VEGFC: variants seen among roughly 807,000 people sequenced by gnomAD.
VEGFC encodes the protein FLT4 ligand DHM.
VEGFC carries 12 observed loss-of-function variants against 46.1 expected under a neutral mutation model. The observed-to-expected ratio is 0.26, with a 90% confidence interval of 0.17 to 0.42. The LOEUF (loss-of-function observed/expected upper bound fraction) is 0.42, where lower values mean the gene tolerates loss of function less well. Ranked by LOEUF, VEGFC falls within the 10% of genes least tolerant of loss-of-function variation. VEGFC has a pLI of 1.00. For missense variants in VEGFC, 488 were observed against 529.4 expected, an observed-to-expected ratio of 0.92 and a Z score of 0.77; for synonymous variants, 232 against 195.5, an observed-to-expected ratio of 1.19 and a Z score of -1.56.
chr4:176,698,651 C>T (rs1044923246), intron 4 of VEGFC, among the ~76,000 whole-genome samples: 1 of 152,024 alleles, frequency 6.6e-6, no homozygotes, highest in Non-Finnish European at 1.5e-5. Context: ...CTGTACTATA[C>T]GTTAGGTCTC....
chr4:176,704,372 C>T (rs543660210), intron 4 of VEGFC, among the ~76,000 whole-genome samples: 25 of 152,240 alleles, frequency 1.6e-4, no homozygotes, highest in African/African-American at 5.8e-4. Context: ...ATTACAAGCA[C>T]TCAAGCTAAC....
chr4:176,743,408 A>G (rs1235474050), intron 1 of VEGFC, among the ~76,000 whole-genome samples: 2 of 151,994 alleles, frequency 1.3e-5, no homozygotes, highest in Admixed American at 1.3e-4. Flanking sequence ...CAATAGAATC[A>G]TAAAGTAAGC....
intron 1 of VEGFC, among the ~76,000 whole-genome samples, chr4:176,758,488 G>C (rs1995083): frequency 0.7 from 106,895 of 152,004 alleles, 43,428 homozygotes; most frequent in East Asian, 0.93. Flanking sequence ...TTTTAATCTT[G>C]GCAGCTGGTG....
At chr4:176,760,077 G>T (rs989579538) in intron 1 of VEGFC, among the ~76,000 whole-genome samples, 6 of 152,080 alleles carry the variant, frequency 3.9e-5, no homozygotes, top group Non-Finnish European at 8.8e-5. Context: ...TCATATTCTT[G>T]AGGGATAGAT....
intron 4 of VEGFC, among the ~76,000 whole-genome samples, chr4:176,688,659 A>G (rs558283977): frequency 3.2e-5 from 4 of 125,998 alleles, no homozygotes; most frequent in Admixed American, 8.8e-5. Context: ...TCCTTGTTTT[A>G]GAGTAAAAAT....
intron 4 of VEGFC, among the ~76,000 whole-genome samples, chr4:176,690,723 T>C (rs1009036722): frequency 3.4e-5 from 5 of 148,052 alleles, no homozygotes; most frequent in African/African-American, 1.3e-4. Context: ...CAATTAATCC[T>C]GGCTGCATGA....
intron 1 of VEGFC, among the ~76,000 whole-genome samples, chr4:176,788,927 G>A (rs1039975526): frequency 7.2e-5 from 11 of 152,158 alleles, no homozygotes; most frequent in African/African-American, 2.2e-4. Context: ...TTATGGAGGT[G>A]TAGTGAAAAA....
chr4:176,740,347 TTA>T (rs1406895450), intron 1 of VEGFC, among the ~76,000 whole-genome samples: 3 of 119,604 alleles, frequency 2.5e-5, no homozygotes, highest in Non-Finnish European at 4.8e-5. Flanking sequence ...AACTATATAT[TTA>T]TATATAGTTA....
chr4:176,700,939 A>G (rs1442502509), intron 4 of VEGFC, among the ~76,000 whole-genome samples: 2 of 152,238 alleles, frequency 1.3e-5, no homozygotes, highest in Non-Finnish European at 2.9e-5. Context: ...GGTTGATGCC[A>G]GGAATACAGG....
At chr4:176,764,990 T>C (rs2110916913) in intron 1 of VEGFC, among the ~76,000 whole-genome samples, 1 of 152,256 alleles carries the variant, frequency 6.6e-6, no homozygotes, top group East Asian at 1.9e-4. Flanking sequence ...GGAGGATCTC[T>C]TGAGCCCAGA....
intron 2 of VEGFC, among the ~76,000 whole-genome samples, chr4:176,728,308 T>A (rs1734906355): frequency 6.6e-6 from 1 of 152,204 alleles, no homozygotes; most frequent in South Asian, 2.1e-4. Context: ...GTTTATAAGA[T>A]GTGCAGAGAG....
At position 176,702,472 on chromosome 4, in the gene VEGFC, GTCAA is replaced by G. The variant is rs1200630645; in HGVS notation, c.704+9023_704+9026del. On this transcript the variant is annotated intron_variant, in intron 4 of 6. Transcript: ENST00000618562. ...TCTTGGCTATGCTGAACATTGTCTT[GTCAA>G]TCATTCCTCTACCCAGAAACAACCT... Among the ~76,000 whole-genome samples the G allele has an allele frequency of 3.3e-5, 5 of 151,878 alleles. No homozygotes were observed. The East Asian group carries it at 9.6e-4, about 29-fold the overall frequency.
intron 1 of VEGFC, among the ~76,000 whole-genome samples, chr4:176,743,657 C>A (rs1193911930): frequency 1.3e-5 from 2 of 151,068 alleles, no homozygotes; most frequent in Non-Finnish European, 3.0e-5. Context: ...TCCAGGATAG[C>A]AGATAATTGG....
At chr4:176,746,703 G>C (rs935760307) in intron 1 of VEGFC, among the ~76,000 whole-genome samples, 1 of 152,084 alleles carries the variant, frequency 6.6e-6, no homozygotes, top group Admixed American at 6.6e-5. Context: ...GGTTGATGCT[G>C]TGGTTTCTAG....
chr4:176,740,396 TTATATATAGTTATATATATTC>T (rs1450638203), intron 1 of VEGFC, among the ~76,000 whole-genome samples: 1 of 118,158 alleles, frequency 8.5e-6, no homozygotes, highest in Non-Finnish European at 1.6e-5. Flanking sequence ...AACTATATAT[TTATATATAGTTATATATATTC>T]TATATATAGT....
In VEGFC at chr4:176,687,173, T is replaced by G; in HGVS notation, c.1145+14A>C. 6.3e-6 allele frequency: 10 copies of G among 1,597,624 alleles called. No homozygotes were observed. Among genetic ancestry groups the G allele is most frequent in the Non-Finnish European group, 8.5e-6 (10 of 1,173,452 alleles). ...TAGTAAGATAAATTAATATTCTTCA[T>G]GAGGATCTCTTACCTGCATGTTTGG... On this transcript the variant is annotated intron_variant, in intron 6 of 6. Transcript: ENST00000618562.
chr4:176,687,282 A>G lies in VEGFC; in HGVS notation c.1050T>C (p.Asn350=), dbSNP rs1734059339. The G allele has an allele frequency of 4.3e-6, 7 of 1,613,858 alleles. No homozygotes were observed. Among genetic ancestry groups the G allele is most frequent in the Non-Finnish European group, 5.1e-6 (6 of 1,179,980 alleles). ...QCVCKRTCPR[N]QPLNPGKCAC... Reference sequence around the variant, plus strand: ...CACATTTTCCAGGATTTAGGGGTTGATTTCTGGGGCAGGTTCTTTTACATA... The same window carrying G: ...CACATTTTCCAGGATTTAGGGGTTGGTTTCTGGGGCAGGTTCTTTTACATA... The change falls in exon 6 of 7, where the codon AAT becomes AAC. Residue 350 remains asparagine (N), a synonymous_variant. Coordinates refer to ENST00000618562, the MANE Select transcript of VEGFC (RefSeq NM_005429.5).
At chr4:176,692,973 C>T (rs1196765858) in intron 4 of VEGFC, among the ~76,000 whole-genome samples, 2 of 150,402 alleles carry the variant, frequency 1.3e-5, no homozygotes, top group African/African-American at 5.0e-5. Flanking sequence ...GAAAACCCAT[C>T]TGTACATCAC....
At chr4:176,773,464 A>G (rs1735755935) in intron 1 of VEGFC, among the ~76,000 whole-genome samples, 1 of 152,222 alleles carries the variant, frequency 6.6e-6, no homozygotes, top group Non-Finnish European at 1.5e-5. Flanking sequence ...ATCACCAGAG[A>G]ATGAAATAAA....
Sources: allele counts gnomAD v4.1 joint callset (sites outside exome capture counted in the v4.1 genomes callset), GRCh38; gene constraint gnomAD v4.1.1; transcripts MANE v1.5; gene names NCBI Gene and HGNC (gene_info 2026-07-23, HGNC 2026-07-21).